The following MIPOL1 variants were observed in gnomAD, a reference collection of about 807,000 sequenced individuals.
MIPOL1 encodes the protein mirror-image polydactyly 1, also known as mirror-image polydactyly gene 1 protein.
A neutral mutation model predicts 60.9 loss-of-function variants in MIPOL1; 57 were observed. The observed-to-expected ratio is 0.94, with a 90% CI of 0.76 to 1.17. The LOEUF is 1.17. MIPOL1 is among the 50% of genes most tolerant of loss of function. The pLI, the probability that MIPOL1 is intolerant of heterozygous loss-of-function variation, is 0.00. For missense variants in MIPOL1, 551 were observed against 511.6 expected, an observed-to-expected ratio of 1.08 and a Z score of -0.74; for synonymous variants, 179 against 168.8, an observed-to-expected ratio of 1.06 and a Z score of -0.47.
intron 9 of MIPOL1, among the ~76,000 whole-genome samples, chr14:37,340,180 A>G (rs1189842002): frequency 6.6e-6 from 1 of 151,888 alleles, no homozygotes; most frequent in East Asian, 1.9e-4. Flanking sequence ...CCCTTGCTTT[A>G]CTGTATTGCT....
intron 9 of MIPOL1, among the ~76,000 whole-genome samples, chr14:37,309,970 T>G (rs2087167089): frequency 6.6e-6 from 1 of 152,044 alleles, no homozygotes; most frequent in Non-Finnish European, 1.5e-5. Flanking sequence ...ATTACAGATG[T>G]GAGCCACCAC....
At chr14:37,246,371 C>A (rs975899790) in intron 1 of MIPOL1, among the ~76,000 whole-genome samples, 3 of 152,040 alleles carry the variant, frequency 2.0e-5, no homozygotes, top group African/African-American at 7.2e-5. Flanking sequence ...TTAATTATCT[C>A]AGTGTCCATA....
Position 37,285,355 on chromosome 14 carries a change from T to C in MIPOL1, c.531T>C (p.Arg177=). ...AAGTGTATTTTGCGCAGAAGGAACG[T>C]GATGAAGCTGTTATGTCTAGACTGC... The part of the protein sequence containing the change: ...VEEVYFAQKE[R]DEAVMSRLQL... Residue 177 remains arginine (R), a synonymous_variant, in exon 7 of 13, where the codon CGT becomes CGC. Coordinates refer to ENST00000684589, the MANE Select transcript of MIPOL1 (RefSeq NM_001388067.1). 1 of 1,613,998 alleles carries C rather than the reference T, an allele frequency of 6.2e-7. No homozygotes were observed.
At chr14:37,319,156 G>GT (rs1439737813) in intron 9 of MIPOL1, among the ~76,000 whole-genome samples, 1 of 152,024 alleles carries the variant, frequency 6.6e-6, no homozygotes, top group African/African-American at 2.4e-5. Flanking sequence ...CTTTGATAAT[G>GT]TGGACATGTT....
At chr14:37,527,155 G>C (rs2095453139) in intron 12 of MIPOL1, among the ~76,000 whole-genome samples, 1 of 151,762 alleles carries the variant, frequency 6.6e-6, no homozygotes, top group Admixed American at 6.6e-5. Flanking sequence ...ACTCTGAGTA[G>C]TAAATAAATT....
At chr14:37,238,598 G>A (rs866510636) in intron 1 of MIPOL1, among the ~76,000 whole-genome samples, 1 of 152,094 alleles carries the variant, frequency 6.6e-6, no homozygotes, top group South Asian at 2.1e-4. Context: ...TTTGCAGGTA[G>A]TAATCATGAT....
chr14:37,491,357 C>T (rs578004699), intron 11 of MIPOL1, among the ~76,000 whole-genome samples: 11 of 152,212 alleles, frequency 7.2e-5, no homozygotes, highest in African/African-American at 1.9e-4. Flanking sequence ...GGCGAAACTC[C>T]GCCTTTACCA....
chr14:37,551,107 C>A lies in MIPOL1; in HGVS notation c.*4136C>A, dbSNP rs2095560733. 1 of 151,952 alleles carries A rather than the reference C, an allele frequency of 6.6e-6. No homozygotes were observed. The highest frequency in any genetic ancestry group is 2.4e-5 in the African/African-American group (1 of 41,376). The allele number at this position is 151,952 out of a possible 1,614,324, so 9.4% of individuals were successfully genotyped here. On this transcript the variant is annotated 3_prime_UTR_variant, in exon 13 of 13. Transcript: ENST00000684589. ...GCATAATTTTTAATCTAATTGTCTTCTAAATATAGTTTTGGTGTATGCTGG... is the reference window on the plus strand; with the variant it reads ...GCATAATTTTTAATCTAATTGTCTTATAAATATAGTTTTGGTGTATGCTGG...
At chr14:37,484,510 G>C (rs2094918585) in intron 11 of MIPOL1, among the ~76,000 whole-genome samples, 1 of 151,734 alleles carries the variant, frequency 6.6e-6, no homozygotes, top group Non-Finnish European at 1.5e-5. Context: ...GCACATTTTT[G>C]TATTTTTAGT....
At chr14:37,362,853 T>A (rs538142989) in intron 9 of MIPOL1, among the ~76,000 whole-genome samples, 27 of 152,332 alleles carry the variant, frequency 1.8e-4, no homozygotes, top group African/African-American at 5.3e-4. Flanking sequence ...TATATTTCAT[T>A]AATTTGATCT....
At chr14:37,420,044 C>T (rs887790690) in intron 10 of MIPOL1, among the ~76,000 whole-genome samples, 1 of 151,560 alleles carries the variant, frequency 6.6e-6, no homozygotes, top group Admixed American at 6.6e-5. Flanking sequence ...TAGGCATGAG[C>T]CACTGTACCT....
intron 12 of MIPOL1, among the ~76,000 whole-genome samples, chr14:37,509,664 G>C (rs889864604): frequency 2.0e-5 from 3 of 149,646 alleles, no homozygotes; most frequent in Non-Finnish European, 4.4e-5. Context: ...GTTTATATAT[G>C]TGCATGTACA....
chr14:37,285,316 A>T lies in MIPOL1; in HGVS notation c.494-2A>T, dbSNP rs781306743. ...GATTGTGCGCTTTATATATTTTGGT[A>T]GCTCTGGTTGAAGAAGTGTATTTTG... On this transcript the variant is annotated splice_acceptor_variant, in intron 6 of 12. Transcript: ENST00000684589. LOFTEE classifies it high-confidence loss of function. The T allele has an allele frequency of 1.2e-6, 2 of 1,613,746 alleles. No homozygotes were observed. Among genetic ancestry groups the T allele is most frequent in the African/African-American group, 2.7e-5 (2 of 74,878 alleles).
At chr14:37,211,232 G>A (rs1475747710) in intron 1 of MIPOL1, among the ~76,000 whole-genome samples, 1 of 114,818 alleles carries the variant, frequency 8.7e-6, no homozygotes, top group Non-Finnish European at 1.6e-5. Flanking sequence ...TATCTACACA[G>A]AAAAAAAACA....
At chr14:37,545,610 A>G (rs2095544447) in intron 12 of MIPOL1, 3 of 610,340 alleles carry the variant, frequency 4.9e-6, no homozygotes, top group African/African-American at 1.9e-5. Flanking sequence ...TCTTAAAGCA[A>G]AGTTTTTTGA....
At chr14:37,329,052 T>C (rs1193769531) in intron 9 of MIPOL1, among the ~76,000 whole-genome samples, 1 of 152,108 alleles carries the variant, frequency 6.6e-6, no homozygotes, top group African/African-American at 2.4e-5. Flanking sequence ...AATTATACTT[T>C]GTTTTTTTTT....
chr14:37,415,219 A>C (rs1201274640), intron 10 of MIPOL1, among the ~76,000 whole-genome samples: 1 of 152,158 alleles, frequency 6.6e-6, no homozygotes, highest in African/African-American at 2.4e-5. Flanking sequence ...GCCTCCAGGA[A>C]AGGTTTGGAT....
At chr14:37,267,223 C>T (rs2082943910) in intron 4 of MIPOL1, 54 bp downstream of exon 4, 1 of 1,386,506 alleles carries the variant, frequency 7.2e-7, no homozygotes, top group South Asian at 1.2e-5. Flanking sequence ...CGTGGTGGCT[C>T]ATGCCTGTAA....
chr14:37,300,041 A>C (rs1323991332), intron 7 of MIPOL1, among the ~76,000 whole-genome samples: 1 of 151,878 alleles, frequency 6.6e-6, no homozygotes, highest in Non-Finnish European at 1.5e-5. Flanking sequence ...AGTGAGTGCC[A>C]TTTTCCTTAT....
Sources: gnomAD v4.1 joint callset for allele counts (sites outside exome capture counted in the v4.1 genomes callset) on GRCh38, gnomAD v4.1.1 for gene constraint, MANE v1.5 for transcripts, NCBI Gene and HGNC (gene_info 2026-07-23, HGNC 2026-07-21) for gene names.